LYPLAL1: variants seen among roughly 807,000 people sequenced by gnomAD.
LYPLAL1 encodes the protein lysophospholipase like 1.
A neutral mutation model predicts 19.7 loss-of-function variants in LYPLAL1; 23 were observed. That is an observed-to-expected ratio of 1.17 (90% CI 0.84 to 1.65). The LOEUF is 1.65. Among genes scored for constraint, LYPLAL1 ranks in the 40% most tolerant of loss-of-function variants. The pLI is 0.00. For missense variants in LYPLAL1, 355 were observed against 279.4 expected, an observed-to-expected ratio of 1.27 and a Z score of -1.93; for synonymous variants, 119 against 96.3, an observed-to-expected ratio of 1.24 and a Z score of -1.38.
intron 3 of LYPLAL1, among the ~76,000 whole-genome samples, chr1:219,195,221 A>G (rs557238510): frequency 2.6e-5 from 4 of 152,254 alleles, no homozygotes; most frequent in Non-Finnish European, 5.9e-5. Context: ...TTTTGTAGGT[A>G]TAATAACATG....
the LYPLAL1 span, among the ~76,000 whole-genome samples, chr1:219,348,271 G>C: frequency 1.3e-5 from 2 of 152,238 alleles, no homozygotes; most frequent in East Asian, 3.9e-4. Flanking sequence ...TCCAGCAGCA[G>C]AGACTGAGGG....
chr1:219,229,294 TGAGAGAGAGAGAGAGAGAGA>T, the LYPLAL1 span, among the ~76,000 whole-genome samples: 95 of 133,024 alleles, frequency 7.1e-4, 1 homozygote, highest in African/African-American at 1.4e-3. Context: ...ACAAGCATTT[TGAGAGAGAGAGAGAGAGAGA>T]GAGAGAGAGA....
chr1:219,367,322 G>A, the LYPLAL1 span, among the ~76,000 whole-genome samples: 1 of 152,148 alleles, frequency 6.6e-6, no homozygotes, highest in Non-Finnish European at 1.5e-5. Context: ...TCTCAAAGTT[G>A]TTAGCCAAAA....
chr1:219,270,472 A>G, the LYPLAL1 span, among the ~76,000 whole-genome samples: 1 of 152,236 alleles, frequency 6.6e-6, no homozygotes, highest in South Asian at 2.1e-4. Context: ...AAAACTGGTT[A>G]GGACTGGGTG....
the LYPLAL1 span, chr1:219,409,444 T>TCTCACACACACACACACACACACA: frequency 2.1e-4 from 1 of 4,700 alleles, no homozygotes; most frequent in Admixed American, 2.5e-3. Context: ...CAAGACCTTG[T>TCTCACACACACACACACACACACA]CACACACACA....
chr1:219,174,104 C>T (rs1414468919), intron 1 of LYPLAL1, 123 bp downstream of exon 1: 4 of 1,488,698 alleles, frequency 2.7e-6, no homozygotes, highest in Non-Finnish European at 3.6e-6. Context: ...GTGGCTCCCC[C>T]GTCGCCAGCC....
chr1:219,269,569 A>T, the LYPLAL1 span, among the ~76,000 whole-genome samples: 4 of 151,896 alleles, frequency 2.6e-5, no homozygotes, highest in East Asian at 7.7e-4. Context: ...GCCACATTTA[A>T]AAGATTTTTC....
Position 219,175,024 on chromosome 1 carries a change from G to C in LYPLAL1, c.91+1043G>C. The C allele has an allele frequency of 5.1e-6, 5 of 985,402 alleles. No homozygotes were observed. In the South Asian group the frequency reaches 2.3e-4, roughly 46 times the overall value. 61.0% of individuals were successfully genotyped at this position (985,402 alleles called of 1,614,324 possible). ...AGTGGTCTTTGAGCCGAGACGGGTA[G>C]GCTTAAATGGGACGGTGATTGGAAG... On this transcript the variant is annotated intron_variant, in intron 1 of 4. Coordinates refer to ENST00000366928, the MANE Select transcript of LYPLAL1 (RefSeq NM_138794.5).
At chr1:219,307,789 G>A in the LYPLAL1 span, among the ~76,000 whole-genome samples, 3 of 152,208 alleles carry the variant, frequency 2.0e-5, no homozygotes, top group Admixed American at 2.0e-4. Flanking sequence ...GAGATCTGAT[G>A]GTTTTATCAG....
rs540451214 is a variant in LYPLAL1, at chr1:219,173,910, C to T, written c.20C>T (p.Ser7Leu). 3 of 1,613,338 alleles carry T rather than the reference C, an allele frequency of 1.9e-6. No homozygotes were observed. Among genetic ancestry groups the T allele is most frequent in the Non-Finnish European group, 1.7e-6 (2 of 1,179,896 alleles). Residue 7 changes from serine (S) to leucine (L), a missense_variant, in exon 1 of 5, where the codon TCG (serine) becomes TTG (leucine). Ser to Leu is a moderately radical substitution (Grantham distance 145). Transcript: ENST00000366928. MAAASGSVLQRCIVSPA... is the reference protein window; with the variant it reads MAAASGLVLQRCIVSPA... ...TCAGCGATGGCGGCTGCGTCGGGGT[C>T]GGTTCTGCAGCGCTGTATCGTGTCG... is the stretch of plus-strand genomic sequence containing the variant.
the LYPLAL1 span, chr1:219,409,473 T>A: frequency 1.4e-4 from 1 of 7,168 alleles, no homozygotes; most frequent in Non-Finnish European, 5.4e-4. Flanking sequence ...CACACAAATT[T>A]TATTATATTA....
the LYPLAL1 span, among the ~76,000 whole-genome samples, chr1:219,267,410 A>G: frequency 6.6e-6 from 1 of 152,214 alleles, no homozygotes; most frequent in South Asian, 2.1e-4. Flanking sequence ...TACTCCAAGT[A>G]CAGAGATTAA....
At chr1:219,395,076 A>G in the LYPLAL1 span, among the ~76,000 whole-genome samples, 4 of 152,238 alleles carry the variant, frequency 2.6e-5, no homozygotes, top group African/African-American at 9.6e-5. Flanking sequence ...ATAGTGCTGC[A>G]GTGAACATAT....
intron 1 of LYPLAL1, among the ~76,000 whole-genome samples, chr1:219,178,803 CAT>C (rs1250905765): frequency 2.0e-5 from 3 of 151,980 alleles, no homozygotes; most frequent in Non-Finnish European, 4.4e-5. Context: ...TTAAAAGTCA[CAT>C]ATAAATACAG....
In LYPLAL1 at chr1:219,205,380, A is replaced by C. The variant is rs575807109; in HGVS notation, c.362-5152A>C. 1.9e-4 allele frequency among the ~76,000 whole-genome samples: 28 copies of C among 145,018 alleles called. No individual in the cohort carries two copies. The South Asian group carries it at 5.9e-3, about 30-fold the overall frequency. On this transcript the variant is annotated intron_variant, in intron 3 of 4. Transcript: ENST00000366928. ...CTCCGTCTCAAAAAAAAAAAAAAAC[A>C]AAAAAAACAAAAGCACTCAGTAAGT...
At chr1:219,216,923 A>C (rs1659311355), downstream of LYPLAL1, among the ~76,000 whole-genome samples, 1 of 152,130 alleles carries the variant, frequency 6.6e-6, no homozygotes, top group Admixed American at 6.6e-5. Flanking sequence ...ATATGTAAAA[A>C]CATATATGTA....
chr1:219,229,448 C>A, the LYPLAL1 span, among the ~76,000 whole-genome samples: 9 of 152,144 alleles, frequency 5.9e-5, no homozygotes, highest in Admixed American at 5.9e-4. Context: ...CTGGCTCCCC[C>A]ATCTGCTGAG....
the LYPLAL1 span, among the ~76,000 whole-genome samples, chr1:219,236,656 A>G: frequency 6.6e-6 from 1 of 152,198 alleles, no homozygotes; most frequent in African/African-American, 2.4e-5. Context: ...GTGACAGTGT[A>G]AAGTATCAAA....
chr1:219,402,660 G>C, the LYPLAL1 span, among the ~76,000 whole-genome samples: 20 of 128,024 alleles, frequency 1.6e-4, no homozygotes, highest in African/African-American at 5.7e-4. Context: ...AAAAAAAAAA[G>C]CTAATGAAAA....
Sources: gnomAD v4.1 joint callset for allele counts (sites outside exome capture counted in the v4.1 genomes callset) on GRCh38, gnomAD v4.1.1 for gene constraint, MANE v1.5 for transcripts, NCBI Gene and HGNC (gene_info 2026-07-23, HGNC 2026-07-21) for gene names.